Variants in AKAP10 observed in about 807,000 individuals in gnomAD.
AKAP10 encodes A-kinase anchoring protein 10, also known as A-kinase anchor protein 10, mitochondrial.
A neutral mutation model predicts 80.8 loss-of-function variants in AKAP10; 24 were observed. That is an observed-to-expected ratio of 0.30 (90% CI 0.22 to 0.42). The LOEUF (loss-of-function observed/expected upper bound fraction) is 0.42. Ranked by LOEUF, AKAP10 falls within the 10% of genes least tolerant of loss-of-function variation. The probability of loss-of-function intolerance (pLI) is 1.00; values close to 1 mark genes in which losing one functional copy is unlikely to be tolerated. For synonymous variants in AKAP10, 291 were observed against 277.7 expected (o/e 1.05, Z -0.48); for missense variants, 661 against 794.9 (o/e 0.83, Z 2.03).
chr17:19,917,575 C>CA (rs1232153610), intron 12 of AKAP10, among the ~76,000 whole-genome samples: 1 of 152,168 alleles, frequency 6.6e-6, no homozygotes, highest in Admixed American at 6.5e-5. Context: ...TCCTGGGCTC[C>CA]AACACTCCTT....
chr17:19,958,223 A>T lies in AKAP10; in HGVS notation c.668T>A (p.Ile223Asn). The T allele has an allele frequency of 6.2e-7, 1 of 1,614,206 alleles. No individual in the cohort carries two copies. The highest frequency in any genetic ancestry group is 8.5e-7 in the Non-Finnish European group (1 of 1,180,038). ...AQLFMTHSEG[I>N]DLNNRTNSTQ... ...GCTGTTAGTTCTATTATTCAGGTCA[A>T]TTCCTTCTGAATGAGTCATAAACAA... The change falls in exon 4 of 15, where the codon ATT becomes AAT. Residue 223 changes from isoleucine to asparagine, a missense_variant. Transcript: ENST00000225737.
At chr17:19,946,553 C>A (rs1315944575) in intron 5 of AKAP10, among the ~76,000 whole-genome samples, 3 of 149,710 alleles carry the variant, frequency 2.0e-5, no homozygotes, top group Admixed American at 6.7e-5. Context: ...GGAATATTGT[C>A]TGGGACACAG....
At chr17:19,919,887 C>T (rs1182711925) in intron 12 of AKAP10, 149 bp downstream of exon 12, 2 of 594,000 alleles carry the variant, frequency 3.4e-6, no homozygotes, top group Non-Finnish European at 5.6e-6. Context: ...ACAGGAAGCC[C>T]TTGTACTTAC....
intron 1 of AKAP10, among the ~76,000 whole-genome samples, chr17:19,975,411 C>T (rs1415605562): frequency 6.6e-6 from 1 of 152,174 alleles, no homozygotes; most frequent in Non-Finnish European, 1.5e-5. Context: ...CAGTAGCCTT[C>T]TTTCCTCTCT....
chr17:19,959,801 G>A (rs1012333590), intron 3 of AKAP10, among the ~76,000 whole-genome samples: 11 of 152,080 alleles, frequency 7.2e-5, no homozygotes, highest in Non-Finnish European at 1.3e-4. Context: ...GAAGCACGTC[G>A]TGTCTTCATC....
intron 13 of AKAP10, 64 bp downstream of exon 13, chr17:19,909,862 A>T: frequency 6.7e-7 from 1 of 1,488,732 alleles, no homozygotes; most frequent in South Asian, 1.2e-5. Context: ...AAAATTTTAA[A>T]CCTCACTTAC....
rs528508655 is a variant in AKAP10, at chr17:19,918,925, AT to A, written c.1834+1110del. Among the ~76,000 whole-genome samples, 273 of 152,146 alleles carry A rather than the reference AT, an allele frequency of 1.8e-3. 1 individual carries two copies. The highest frequency in any genetic ancestry group is 5.8e-3 in the African/African-American group (239 of 41,496). ...CTATTAATATTTTCCACATATATTT[AT>A]TTTTTTTAAATTTATTATACTTTAA... On this transcript the variant is annotated intron_variant, in intron 12 of 14. Transcript: ENST00000225737.
At chr17:19,925,122 C>T (rs1209149973) in intron 10 of AKAP10, among the ~76,000 whole-genome samples, 1 of 152,074 alleles carries the variant, frequency 6.6e-6, no homozygotes, top group Non-Finnish European at 1.5e-5. Context: ...CAAGATTGTA[C>T]CACTGCACGC....
chr17:19,963,797 G>A (rs902075854), intron 2 of AKAP10, among the ~76,000 whole-genome samples: 1 of 152,002 alleles, frequency 6.6e-6, no homozygotes, highest in Admixed American at 6.6e-5. Context: ...TTGGGAGACC[G>A]AGGCAGGAGA....
chr17:19,940,301 TAA>T (rs537956095), intron 7 of AKAP10, among the ~76,000 whole-genome samples: 95 of 152,336 alleles, frequency 6.2e-4, no homozygotes, highest in African/African-American at 2.3e-3. Context: ...TGTATTCTTG[TAA>T]AGAGGCAGAA....
chr17:19,938,996 T>G (rs1163412445), intron 8 of AKAP10, among the ~76,000 whole-genome samples: 2 of 152,154 alleles, frequency 1.3e-5, no homozygotes, highest in African/African-American at 2.4e-5. Flanking sequence ...CCTCTCAAAG[T>G]GTTGTGATTA....
intron 8 of AKAP10, among the ~76,000 whole-genome samples, chr17:19,938,359 C>G (rs1356313487): frequency 6.6e-6 from 1 of 151,970 alleles, no homozygotes; most frequent in African/African-American, 2.4e-5. Context: ...TCCTCAGCCT[C>G]CTGAGTAGCT....
At position 19,916,692 on chromosome 17, in the gene AKAP10, C is replaced by T. The variant is rs182017491; in HGVS notation, c.1834+3344G>A. Among the ~76,000 whole-genome samples, 61 of 150,794 alleles carry T rather than the reference C, an allele frequency of 4.0e-4. 1 individual carries two copies. The East Asian group carries it at 7.0e-3, about 17-fold the overall frequency. On this transcript the variant is annotated intron_variant, in intron 12 of 14. Coordinates refer to ENST00000225737, the MANE Select transcript of AKAP10 (RefSeq NM_007202.4). Reference sequence around the variant, plus strand: ...GTGGCTCACACCTGTAATCCCAGCACTTTGGGAGGCCGAGGTGGGCGGATC... The same window carrying T: ...GTGGCTCACACCTGTAATCCCAGCATTTTGGGAGGCCGAGGTGGGCGGATC...
chr17:19,947,542 C>T, intron 4 of AKAP10, 37 bp from the exon 5 acceptor site: 1 of 1,345,558 alleles, frequency 7.4e-7, no homozygotes, highest in Non-Finnish European at 1.1e-6. Context: ...AACCAAAAAG[C>T]AACTTGGACT....
chr17:19,927,163 C>G (rs1597496657), intron 10 of AKAP10, among the ~76,000 whole-genome samples: 2 of 152,066 alleles, frequency 1.3e-5, no homozygotes, highest in African/African-American at 2.4e-5. Flanking sequence ...ACAGTAAGAT[C>G]TGTCTCTACA....
At chr17:19,934,863 T>C (rs749756693) in intron 9 of AKAP10, among the ~76,000 whole-genome samples, 2 of 152,020 alleles carry the variant, frequency 1.3e-5, no homozygotes, top group Admixed American at 1.3e-4. Flanking sequence ...AATACAAAAA[T>C]TAGCCAGGTA....
At chr17:19,916,397 C>A (rs1479046762) in intron 12 of AKAP10, among the ~76,000 whole-genome samples, 2 of 152,088 alleles carry the variant, frequency 1.3e-5, no homozygotes, top group Non-Finnish European at 2.9e-5. Context: ...CTCCACTGTT[C>A]TATAAAATGA....
chr17:19,939,800 G>C lies in AKAP10; in HGVS notation c.1235C>G (p.Ala412Gly). Residue 412 changes from alanine to glycine, a missense_variant, in exon 8 of 15, where the codon GCA becomes GGA. By Grantham distance (60) the Ala-to-Gly change is moderately conservative. Transcript: ENST00000225737. ...AVNILQFWLA[A>G]DNFQSQLAAK... The stretch of plus-strand genomic sequence containing the variant: ...AGCAAGCTGAGACTGGAAGTTATCT[G>C]CTGCCAACCAGAATTGTAAGATATT... 6.2e-7 allele frequency: 1 copy of C among 1,613,958 alleles called. No individual in the cohort carries two copies. Among genetic ancestry groups the C allele is most frequent in the Non-Finnish European group, 8.5e-7 (1 of 1,179,968 alleles).
chr17:19,917,634 C>A (rs2042760139), intron 12 of AKAP10, among the ~76,000 whole-genome samples: 1 of 152,148 alleles, frequency 6.6e-6, no homozygotes, highest in Admixed American at 6.5e-5. Flanking sequence ...AACCACCATG[C>A]AGCCCCCAAT....
Sources: gnomAD v4.1 joint callset for allele counts (sites outside exome capture counted in the v4.1 genomes callset) on GRCh38, gnomAD v4.1.1 for gene constraint, MANE v1.5 for transcripts, NCBI Gene and HGNC (gene_info 2026-07-23, HGNC 2026-07-21) for gene names.